PCED1A: variants seen among roughly 807,000 people sequenced by gnomAD.
PCED1A encodes the protein PC-esterase domain containing 1A.
Under a neutral mutation model 41.9 loss-of-function variants are expected in PCED1A, and 20 were observed. That is an observed-to-expected ratio of 0.48 (90% confidence interval 0.34 to 0.69). The LOEUF (loss-of-function observed/expected upper bound fraction) is 0.69. PCED1A is among the 30% of genes least tolerant of loss of function. The probability of loss-of-function intolerance (pLI) is 0.01; values close to 1 mark genes in which losing one functional copy is unlikely to be tolerated. For missense variants in PCED1A, 498 were observed against 602.1 expected (o/e 0.83, Z 1.81); for synonymous variants, 236 against 241.3 (o/e 0.98, Z 0.20).
At chr20:2,840,107 C>G in intron 1 of PCED1A, 104 bp downstream of exon 1, 2 of 592,860 alleles carry the variant, frequency 3.4e-6, no homozygotes, top group Non-Finnish European at 5.5e-6. Context: ...GTCCAGCCAG[C>G]AGGCCTCCAG....
At position 2,838,450 on chromosome 20, in the gene PCED1A, C is replaced by T. The variant is rs779520572; in HGVS notation, c.623G>A (p.Arg208Gln). 11 of 1,614,126 alleles carry T rather than the reference C, an allele frequency of 6.8e-6. No homozygotes were observed. Among genetic ancestry groups the T allele is most frequent in the Admixed American group, 3.3e-5 (2 of 60,008 alleles). The change falls in exon 6 of 8, where the codon CGG becomes CAG. Residue 208 changes from arginine to glutamine, a missense_variant. Transcript: ENST00000360652. This position sits in a 1 kb window ranked among gnomAD's most constrained non-coding sequence, Gnocchi z 5.8. ...ELQPLAGSLRRDVVEGNFYSA... is the reference protein window; with the variant it reads ...ELQPLAGSLRQDVVEGNFYSA... ...GTAGAAGTTCCCTTCAACCACATCC[C>T]GCCGCAGGGAGCCTGCCAGGGGCTG...
intron 2 of PCED1A, among the ~76,000 whole-genome samples, chr20:2,839,573 G>A (rs557171272): frequency 2.0e-5 from 3 of 152,206 alleles, no homozygotes; most frequent in Non-Finnish European, 2.9e-5. Flanking sequence ...CTGTCAGGGC[G>A]AGAAATGCTG....
Position 2,838,781 on chromosome 20 carries a change from A to G in PCED1A, c.444-35T>C. 6.2e-7 allele frequency: 1 copy of G among 1,614,164 alleles called. No homozygotes were observed. Among genetic ancestry groups the G allele is most frequent in the Non-Finnish European group, 8.5e-7 (1 of 1,180,004 alleles). ...AACACACAGGGTGGGCAAGAGCACA[A>G]GGGTGGACTGCCTCAGCCGTACTTC... On this transcript the variant is annotated intron_variant, in intron 4 of 7. Coordinates refer to ENST00000360652, the MANE Select transcript of PCED1A (RefSeq NM_022760.6). The surrounding 1 kb of genome is among the most constrained non-coding windows in gnomAD (Gnocchi z 5.8).
At chr20:2,840,773 C>T (rs1401797592), upstream of PCED1A, 2 of 1,548,552 alleles carry the variant, frequency 1.3e-6, no homozygotes, top group South Asian at 1.2e-5. Context: ...TCTGCACCAG[C>T]CATGGACTGC....
chr20:2,840,047 G>C, intron 1 of PCED1A, 114 bp from the exon 2 acceptor site: 3 of 1,138,910 alleles, frequency 2.6e-6, no homozygotes, highest in Non-Finnish European at 3.6e-6. Context: ...CGGCAGCAGA[G>C]CCATGGTGGC....
chr20:2,839,122 GGGA>G (rs1227847855), intron 3 of PCED1A, 40 bp from the exon 4 acceptor site: 1 of 1,398,292 alleles, frequency 7.2e-7, no homozygotes, highest in South Asian at 1.2e-5. Context: ...ACCCATGCCA[GGGA>G]GGAGAACCCT....
Position 2,839,072 on chromosome 20 carries a change from C to G in PCED1A, c.215G>C (p.Ser72Thr), listed in dbSNP as rs2088890922. ...AGCCACCAGCTGGTCCTGTTCAAAGCTCAGCTCCCCCTACCCACCCCCCCC... is the reference window on the plus strand; with the variant it reads ...AGCCACCAGCTGGTCCTGTTCAAAGGTCAGCTCCCCCTACCCACCCCCCCC... Reference protein sequence around the residue: ...AAQLKAKGELSFEQDQLVAGG... With the variant: ...AAQLKAKGELTFEQDQLVAGG... Residue 72 changes from serine (S) to threonine (T), a missense_variant, in exon 4 of 8, where the codon AGC becomes ACC. By Grantham distance (58) the Ser-to-Thr change is moderately conservative (BLOSUM62 1). Around this residue, in one of 2 missense-constraint regions of PCED1A, gnomAD observed 253 missense variants for 369.7 expected, o/e 0.68. Transcript: ENST00000360652. 3 of 1,612,616 alleles carry G rather than the reference C, an allele frequency of 1.9e-6. No homozygotes were observed. The highest frequency in any genetic ancestry group is 2.2e-5 in the South Asian group (2 of 91,066).
Position 2,835,517 on chromosome 20 carries a change from T to G in PCED1A, c.1310A>C (p.His437Pro). ...QRLRHSERLI[H>P]TYKLDRRPPA... ...AGGCCGTCTGTCCAGTTTGTATGTG[T>G]GGATCAGTCTCTCTGAGTGTCTGAG... is the stretch of plus-strand genomic sequence containing the variant. The change falls in exon 8 of 8, where the codon CAC (histidine) becomes CCC (proline). Residue 437 changes from histidine to proline, a missense_variant. Physicochemically the swap from His to Pro is moderately conservative, Grantham distance 77. Around this residue, in one of 2 missense-constraint regions of PCED1A, gnomAD observed 245 missense variants for 232.4 expected, o/e 1.05. Coordinates refer to ENST00000360652, the MANE Select transcript of PCED1A (RefSeq NM_022760.6). 1 of 1,614,178 alleles carries G rather than the reference T, an allele frequency of 6.2e-7. No individual in the cohort carries two copies. Among genetic ancestry groups the G allele is most frequent in the Non-Finnish European group, 8.5e-7 (1 of 1,180,012 alleles).
rs1034252357 is a variant in PCED1A, at chr20:2,836,396, T to C, written c.842-82A>G. Reference sequence around the variant, plus strand: ...GGCCATCCACACTTCTAAAGCTCTATTCCTTCCTCTTGGAGAGCAGAGCCA... The same window carrying C: ...GGCCATCCACACTTCTAAAGCTCTACTCCTTCCTCTTGGAGAGCAGAGCCA... On this transcript the variant is annotated intron_variant, in intron 6 of 7. Coordinates refer to ENST00000360652, the MANE Select transcript of PCED1A (RefSeq NM_022760.6). The C allele has an allele frequency of 9.0e-6, 11 of 1,228,978 alleles. No homozygotes were observed. In the African/African-American group the frequency reaches 1.6e-4, roughly 18 times the overall value. The allele number at this position is 1,228,978 out of a possible 1,614,324, so 76.1% of individuals were successfully genotyped here. A position where few individuals can be genotyped will look rare whatever the true frequency, so the allele number is the denominator to read the frequency against.
intron 2 of PCED1A, 74 bp from the exon 3 acceptor site, chr20:2,839,345 A>G: frequency 2.1e-6 from 3 of 1,424,510 alleles, no homozygotes; most frequent in Middle Eastern, 1.9e-4. Flanking sequence ...CCAGGACCCC[A>G]TTTTCCCAGG....
chr20:2,839,663 A>G, intron 2 of PCED1A, 126 bp downstream of exon 2: 5 of 1,391,530 alleles, frequency 3.6e-6, no homozygotes, highest in Non-Finnish European at 2.9e-6. Context: ...ATAAAAAGAG[A>G]AAACCTACTG....
rs763254227 is a variant in PCED1A, at chr20:2,835,721, C to T, written c.1118-12G>A. ...TCCAGGGCCACATCCTACAAAAGAA[C>T]CAGTCATTATAAGAGCAGGCTTCTG... On this transcript the variant is annotated splice_polypyrimidine_tract_variant and intron_variant, in intron 7 of 7. Coordinates refer to ENST00000360652, the MANE Select transcript of PCED1A (RefSeq NM_022760.6). 3 of 1,535,974 alleles carry T rather than the reference C, an allele frequency of 2.0e-6. No homozygotes were observed. The highest frequency in any genetic ancestry group is 2.6e-6 in the Non-Finnish European group (3 of 1,137,336).
chr20:2,835,584 G>C lies in PCED1A; in HGVS notation c.1243C>G (p.Pro415Ala), dbSNP rs779095842. Residue 415 changes from proline (P) to alanine (A), a missense_variant, in exon 8 of 8, where the codon CCC becomes GCC. By Grantham distance (27) the Pro-to-Ala change is conservative (BLOSUM62 -1). Coordinates refer to ENST00000360652, the MANE Select transcript of PCED1A (RefSeq NM_022760.6). ...RGMPRYVPNS[P>A]YHVRRMGGPC... ...CCCCCCATTCTCCGCACATGGTAGG[G>C]GCTGTTAGGAACATAGCGTGGCATC... The C allele has an allele frequency of 6.2e-7, 1 of 1,614,204 alleles. No individual in the cohort carries two copies.
rs3746688 is a variant in PCED1A, at chr20:2,836,578, A to G, written c.842-264T>C. Among the ~76,000 whole-genome samples the G allele has an allele frequency of 1.8e-4, 28 of 152,218 alleles. No homozygotes were observed. In the East Asian group the frequency reaches 5.4e-3, roughly 29 times the overall value. ...CCTTCTTTGTTTGCCCAGGTCTTGT[A>G]TCTAGCTTTTTCCTCGCCCACCTCC... On this transcript the variant is annotated intron_variant, in intron 6 of 7. Transcript: ENST00000360652.
In PCED1A at chr20:2,836,176, G is replaced by A. The variant is rs75415902; in HGVS notation, c.980C>T (p.Pro327Leu). The stretch of plus-strand genomic sequence containing the variant: ...GGGAGGTGGCGAGGGCTGAGGAAGC[G>A]GGTAGGGAAAAGGCATGGGAGGAGG... ...SLPPPMPFPYPLPQPSPPPLF... is the reference protein window; with the variant it reads ...SLPPPMPFPYLLPQPSPPPLF... The change falls in exon 7 of 8, where the codon CCG becomes CTG. Residue 327 changes from proline to leucine, a missense_variant. Transcript: ENST00000360652. The A allele has an allele frequency of 1.2e-3, 1,935 of 1,610,864 alleles. 27 individuals carry two copies. In the African/African-American group the frequency reaches 0.022, roughly 18 times the overall value.
chr20:2,840,393 C>A lies in PCED1A; in HGVS notation c.-204G>T. The A allele has an allele frequency of 2.8e-6, 1 of 351,816 alleles. No homozygotes were observed. The highest frequency in any genetic ancestry group is 2.9e-5 in the South Asian group (1 of 34,340). The allele number at this position is 351,816 out of a possible 1,614,324, so 21.8% of individuals were successfully genotyped here. A position where few individuals can be genotyped will look rare whatever the true frequency, so the allele number is the denominator to read the frequency against. ...GGTTAGCCGTCGGTGCACAGCCCAG[C>A]GCCCAGCGCTCTCCATGCGAGCGTC... is the stretch of plus-strand genomic sequence containing the variant. On this transcript the variant is annotated 5_prime_UTR_variant, in exon 1 of 8. Coordinates refer to ENST00000360652, the MANE Select transcript of PCED1A (RefSeq NM_022760.6).
chr20:2,840,756 G>T (rs1023232192), upstream of PCED1A: 9 of 1,547,860 alleles, frequency 5.8e-6, no homozygotes, highest in Admixed American at 9.8e-5. Context: ...GTGCTTCCCA[G>T]CTGCCGTCTG....
rs148521607 is a variant in PCED1A, at chr20:2,836,161, G to A, written c.995C>T (p.Ser332Leu). 2.8e-3 allele frequency: 4,464 copies of A among 1,607,562 alleles called. 5 individuals are homozygous for A. Among genetic ancestry groups the A allele is most frequent in the Non-Finnish European group, 3.4e-3 (4,018 of 1,175,962 alleles). The change falls in exon 7 of 8, where the codon TCG becomes TTG. Residue 332 changes from serine (S) to leucine (L), a missense_variant. Physicochemically the swap from Ser to Leu is moderately radical, Grantham distance 145. This residue lies in a region of PCED1A where 245 missense variants were observed against 232.4 expected (regional missense o/e 1.05). Transcript: ENST00000360652. ...MPFPYPLPQP[S>L]PPPLFPPLPQ... ...CAGGGGTGGGAAGAGGGGAGGTGGCGAGGGCTGAGGAAGCGGGTAGGGAAA... is the reference window on the plus strand; with the variant it reads ...CAGGGGTGGGAAGAGGGGAGGTGGCAAGGGCTGAGGAAGCGGGTAGGGAAA...
intron 6 of PCED1A, among the ~76,000 whole-genome samples, chr20:2,836,672 A>G (rs1555794675): frequency 1.3e-5 from 2 of 152,134 alleles, no homozygotes; most frequent in Non-Finnish European, 2.9e-5. Context: ...ACTTCCTTTT[A>G]CCATCCAAAC....
Sources: gnomAD v4.1 joint callset for allele counts (sites outside exome capture counted in the v4.1 genomes callset) on GRCh38, gnomAD v4.1.1 for gene constraint, gnomAD v4.1.1 regional missense constraint, Gnocchi (gnomAD v3.1) non-coding constraint, MANE v1.5 for transcripts, NCBI Gene and HGNC (gene_info 2026-07-23, HGNC 2026-07-21) for gene names.